The following STAB1 variants were observed in gnomAD, a reference collection of about 807,000 sequenced individuals.
STAB1 encodes the protein stabilin-1.
A neutral mutation model predicts 332.4 loss-of-function variants in STAB1; 250 were observed. That is an observed-to-expected ratio of 0.75 (90% confidence interval 0.68 to 0.84). The LOEUF (loss-of-function observed/expected upper bound fraction) is 0.84, where lower values mean the gene tolerates loss of function less well. Ranked by LOEUF, STAB1 falls within the 40% of genes least tolerant of loss-of-function variation. STAB1 has a pLI of 0.00. For synonymous variants in STAB1, 1,475 were observed against 1,390.4 expected (o/e 1.06, Z -1.35); for missense variants, 3,249 against 3,489.7 (o/e 0.93, Z 1.74).
chr3:52,514,334 C>T (rs1709514779), intron 33 of STAB1, 31 bp from the exon 34 acceptor site: 1 of 1,556,390 alleles, frequency 6.4e-7, no homozygotes, highest in Admixed American at 1.8e-5. Context: ...GGTTATCCTG[C>T]AGTCCCCTGG....
rs1246362642 is a variant in STAB1 at position 52,512,902 on chromosome 3, G to A, written c.3102G>A (p.Leu1034=). The change falls in exon 29 of 69, where the codon CTG becomes CTA. Residue 1034 remains leucine, a synonymous_variant. Transcript: ENST00000321725. ...LVPSEAAVRQ[L]SPEDRAFWLQ... ...CCTCCGAGGCTGCAGTCCGTCAGCTGAGCCCCGAGGACCGAGCTTTCTGGC... is the reference window on the plus strand; with the variant it reads ...CCTCCGAGGCTGCAGTCCGTCAGCTAAGCCCCGAGGACCGAGCTTTCTGGC... 1 of 1,612,060 alleles carries A rather than the reference G, an allele frequency of 6.2e-7. No homozygotes were observed. The highest frequency in any genetic ancestry group is 1.1e-5 in the South Asian group (1 of 91,026).
rs2079114459 is a variant in STAB1, at chr3:52,522,682, C to T, written c.6738C>T (p.Ala2246=). 6.2e-7 allele frequency: 1 copy of T among 1,612,952 alleles called. No homozygotes were observed. The highest frequency in any genetic ancestry group is 1.3e-5 in the African/African-American group (1 of 75,050). Residue 2246 remains alanine, a synonymous_variant, in exon 61 of 69, where the codon GCC becomes GCT. Transcript: ENST00000321725. ...VLASFPQLSA[A]QQLGFHLCLM... ...CTTCATTCCCTCAGCTCTCTGCTGC[C>T]CAGCAGGTGTGTGGGGCCCAGAAGT...
At position 52,512,821 on chromosome 3, in the gene STAB1, C is replaced by T. The variant is rs754120387; in HGVS notation, c.3028-7C>T. 1.4e-5 allele frequency: 23 copies of T among 1,608,188 alleles called. No homozygotes were observed. Among genetic ancestry groups the T allele is most frequent in the East Asian group, 2.2e-5 (1 of 44,862 alleles). ...TCCTCCCGCCCCTGCTCCCTGTGTG[C>T]GTGCAGAGTGCCGGCATCACGCTTC... On this transcript the variant is annotated splice_region_variant and splice_polypyrimidine_tract_variant and intron_variant, in intron 28 of 68. Transcript: ENST00000321725.
intron 50 of STAB1, 128 bp downstream of exon 50, chr3:52,519,692 T>A: frequency 7.3e-7 from 1 of 1,373,218 alleles, no homozygotes; most frequent in Non-Finnish European, 9.9e-7. Flanking sequence ...CTGTGTGAAC[T>A]CATGTGTGCA....
At position 52,515,021 on chromosome 3, in the gene STAB1, C is replaced by T. The variant is rs534155512; in HGVS notation, c.3840C>T (p.Arg1280=). The change falls in exon 36 of 69, where the codon CGC becomes CGT. Residue 1280 remains arginine (R), a synonymous_variant. Coordinates refer to ENST00000321725, the MANE Select transcript of STAB1 (RefSeq NM_015136.3). The part of the protein sequence containing the change: ...EKCVNCTRRF[R]CTQGFQLQDT... ...GTGTAAACTGCACCAGGAGATTCCG[C>T]TGCACTCAGGGCTTCCAGCTGCAGG... The T allele has an allele frequency of 6.2e-7, 1 of 1,613,586 alleles. No homozygotes were observed. Among genetic ancestry groups the T allele is most frequent in the African/African-American group, 1.3e-5 (1 of 75,074 alleles).
In STAB1 at chr3:52,503,416, A is replaced by T; in HGVS notation, c.767A>T (p.Gln256Leu). The T allele has an allele frequency of 6.2e-7, 1 of 1,613,686 alleles. No homozygotes were observed. The highest frequency in any genetic ancestry group is 8.5e-7 in the Non-Finnish European group (1 of 1,180,016). ...QCSVSPKGQAQCHCPENYHGD... is the reference protein window; with the variant it reads ...QCSVSPKGQALCHCPENYHGD... ...TCGGTGAGCCCCAAGGGGCAGGCTC[A>T]GTGTCACTGCCCTGAGAACTACCAT... The change falls in exon 8 of 69, where the codon CAG (glutamine) becomes CTG (leucine). Residue 256 changes from glutamine (Q) to leucine (L), a missense_variant. Gln to Leu is a moderately radical substitution (Grantham distance 113). Coordinates refer to ENST00000321725, the MANE Select transcript of STAB1 (RefSeq NM_015136.3).
intron 3 of STAB1, 91 bp from the exon 4 acceptor site, chr3:52,501,915 G>A: frequency 6.6e-7 from 1 of 1,519,616 alleles, no homozygotes; most frequent in Non-Finnish European, 9.0e-7. Flanking sequence ...TTCCTTGGGG[G>A]AGGGGCCGAG....
At chr3:52,517,846 G>A (rs749605142) in intron 44 of STAB1, 35 bp from the exon 45 acceptor site, 13 of 1,611,482 alleles carry the variant, frequency 8.1e-6, no homozygotes, top group Middle Eastern at 1.6e-4. Context: ...AGTAGTGAAA[G>A]CCACTGATAC....
intron 21 of STAB1, 187 bp downstream of exon 21, chr3:52,508,546 G>T (rs1246202291): frequency 1.5e-6 from 1 of 653,688 alleles, no homozygotes; most frequent in African/African-American, 1.8e-5. Context: ...GAGAGGCCAG[G>T]TGCAATGTCT....
chr3:52,523,200 T>TTCTG, intron 63 of STAB1, 22 bp from the exon 64 acceptor site: 1 of 1,612,844 alleles, frequency 6.2e-7, no homozygotes, highest in South Asian at 1.1e-5. Context: ...CTGCTCATAG[T>TTCTG]TCTGTCTTTC....
chr3:52,520,866 T>G lies in STAB1; in HGVS notation c.5769T>G (p.Ser1923=). 5 of 1,612,786 alleles carry G rather than the reference T, an allele frequency of 3.1e-6. No homozygotes were observed. The highest frequency in any genetic ancestry group is 4.2e-6 in the Non-Finnish European group (5 of 1,180,006). ...PKFWTSPPLH[S]LGLRSVWVHP... is the part of the protein sequence containing the mutation. ...TCTGGACGTCCCCTCCGCTGCACTC[T>G]TTGGGATTACGCAGCGTCTGGGTCC... Residue 1923 remains serine (S), a synonymous_variant, in exon 55 of 69, where the codon TCT becomes TCG. Coordinates refer to ENST00000321725, the MANE Select transcript of STAB1 (RefSeq NM_015136.3).
Position 52,518,847 on chromosome 3 carries a change from C to A in STAB1, c.5012C>A (p.Pro1671Gln). The change falls in exon 48 of 69, where the codon CCA (proline) becomes CAA (glutamine). Residue 1671 changes from proline (P) to glutamine (Q), a missense_variant. By Grantham distance (76) the Pro-to-Gln change is moderately conservative. Transcript: ENST00000321725. ...QGYATALSGH[P>Q]LRFSEREGSI... ...TACGCCACGGCCCTCTCAGGGCACC[C>A]ACTGCGCTTCAGCGAGAGGGAGGTG... 6.2e-7 allele frequency: 1 copy of A among 1,602,350 alleles called. No homozygotes were observed. Among genetic ancestry groups the A allele is most frequent in the Non-Finnish European group, 8.5e-7 (1 of 1,177,482 alleles).
chr3:52,508,751 G>A (rs1276231482), intron 21 of STAB1, among the ~76,000 whole-genome samples: 1 of 152,080 alleles, frequency 6.6e-6, no homozygotes, highest in African/African-American at 2.4e-5. Context: ...GAACCTGGGA[G>A]GCGGAGGTTG....
chr3:52,523,427 A>G lies in STAB1; in HGVS notation c.7141A>G (p.Thr2381Ala). The G allele has an allele frequency of 6.2e-7, 1 of 1,608,876 alleles. No individual in the cohort carries two copies. Among genetic ancestry groups the G allele is most frequent in the Non-Finnish European group, 8.5e-7 (1 of 1,177,432 alleles). ...PVNEGFVDNM[T>A]LSGPDLELHA... ...CCAACAGGCCTTGCTCTGCTCACAG[A>G]CGCTGAGTGGCCCAGACTTGGAGCT... The change falls in exon 65 of 69, where the codon ACG becomes GCG. Residue 2381 changes from threonine (T) to alanine (A), a missense_variant and splice_region_variant. Physicochemically the swap from Thr to Ala is moderately conservative, Grantham distance 58. Transcript: ENST00000321725.
rs568232580 is a variant in STAB1 at position 52,519,255 on chromosome 3, C to T, written c.5035-9C>T. ...TATCTGCTTCATCAGCCCCGTGCCC[C>T]GCCCCCAGGGCAGCATATACCTCAA... On this transcript the variant is annotated splice_polypyrimidine_tract_variant and intron_variant, in intron 48 of 68. Coordinates refer to ENST00000321725, the MANE Select transcript of STAB1 (RefSeq NM_015136.3). The T allele has an allele frequency of 3.7e-6, 6 of 1,609,020 alleles. No homozygotes were observed. The highest frequency in any genetic ancestry group is 2.7e-5 in the African/African-American group (2 of 74,980).
chr3:52,503,149 C>CA (rs755902059), intron 7 of STAB1, 40 bp downstream of exon 7: 289 of 934,726 alleles, frequency 3.1e-4, no homozygotes, highest in Middle Eastern at 6.7e-4. Flanking sequence ...CAGCTCAGGG[C>CA]GGGCGGGGGC....
chr3:52,521,016 C>T lies in STAB1; in HGVS notation c.5908+11C>T. ...GCAGTGAGTGCCAAGGTGAGCATTG[C>T]AGACACTGTTGACTAGCTCCTCTGT... On this transcript the variant is annotated intron_variant, in intron 55 of 68. Coordinates refer to ENST00000321725, the MANE Select transcript of STAB1 (RefSeq NM_015136.3). 3 of 1,527,960 alleles carry T rather than the reference C, an allele frequency of 2.0e-6. No homozygotes were observed. Among genetic ancestry groups the T allele is most frequent in the Non-Finnish European group, 2.6e-6 (3 of 1,139,626 alleles). 94.7% of individuals were successfully genotyped at this position (1,527,960 alleles called of 1,614,324 possible). A position where few individuals can be genotyped will look rare whatever the true frequency, so the allele number is the denominator to read the frequency against.
chr3:52,520,584 AC>A, intron 53 of STAB1, 35 bp downstream of exon 53: 1 of 1,608,698 alleles, frequency 6.2e-7, no homozygotes, highest in Non-Finnish European at 8.5e-7. Flanking sequence ...GCAGAAGCCC[AC>A]CCCGCCTGTG....
intron 14 of STAB1, 94 bp from the exon 15 acceptor site, chr3:52,505,574 A>C: frequency 7.5e-7 from 1 of 1,334,662 alleles, no homozygotes; most frequent in Non-Finnish European, 1.0e-6. Context: ...ACTCAGTGGG[A>C]GTTTCCTGCA....
Sources: allele counts gnomAD v4.1 joint callset (sites outside exome capture counted in the v4.1 genomes callset), GRCh38; gene constraint gnomAD v4.1.1; transcripts MANE v1.5; gene names NCBI Gene and HGNC (gene_info 2026-07-23, HGNC 2026-07-21).